Variants in NLN observed in about 807,000 individuals in gnomAD.
NLN encodes neurolysin.
Under a neutral mutation model 79.9 loss-of-function variants are expected in NLN, and 64 were observed. The observed-to-expected ratio is 0.80, with a 90% CI of 0.65 to 0.99. The LOEUF is 0.99. Among genes scored for constraint, NLN ranks in the 50% least tolerant of loss-of-function variants. The pLI is 0.00. For synonymous variants in NLN, 267 were observed against 296.6 expected, an observed-to-expected ratio of 0.90 and a Z score of 1.02; for missense variants, 835 against 858.7, an observed-to-expected ratio of 0.97 and a Z score of 0.34.
At chr5:65,768,099 A>G (rs754430806) in intron 3 of NLN, among the ~76,000 whole-genome samples, 3 of 151,812 alleles carry the variant, frequency 2.0e-5, no homozygotes, top group Admixed American at 1.3e-4. Context: ...AACTGTTCCA[A>G]CCTCTGCCCT....
chr5:65,772,287 G>T, intron 3 of NLN, among the ~76,000 whole-genome samples: 1 of 152,146 alleles, frequency 6.6e-6, no homozygotes, highest in East Asian at 1.9e-4. Context: ...AGCTCTTCAA[G>T]AATATTCCTT....
At chr5:65,742,672 TA>T (rs1320136738) in intron 1 of NLN, among the ~76,000 whole-genome samples, 1 of 152,198 alleles carries the variant, frequency 6.6e-6, no homozygotes, top group Non-Finnish European at 1.5e-5. Context: ...CTATGGTTGC[TA>T]AACAATTTCT....
chr5:65,723,814 C>CAAAAAAAAAAAAAAAAAA (rs760572199), intron 1 of NLN, among the ~76,000 whole-genome samples: 10 of 55,318 alleles, frequency 1.8e-4, no homozygotes, highest in African/African-American at 5.7e-4. Context: ...GACTCCGTCT[C>CAAAAAAAAAAAAAAAAAA]AAAAAAAAAA....
At position 65,760,133 on chromosome 5, in the gene NLN, C is replaced by T. The variant is rs140921511; in HGVS notation, c.301+1307C>T. On this transcript the variant is annotated intron_variant, in intron 2 of 12. Coordinates refer to ENST00000380985, the MANE Select transcript of NLN (RefSeq NM_020726.5). ...CATAGCCCTAGTGACCTGGTCATCT[C>T]CTTGCCCCCACTATCCCTTCATCAC... 2.4e-3 allele frequency among the ~76,000 whole-genome samples: 360 copies of T among 152,278 alleles called. 2 individuals carry two copies. The highest frequency in any genetic ancestry group is 6.8e-3 in the Middle Eastern group (2 of 294).
rs534648720 is a variant in NLN, at chr5:65,825,454, T to C, written c.*2539T>C. ...GAAGGATAAAATCTTCAACATCTTA[T>C]GCAAATGGATAGTAGGCATGATCCT... On this transcript the variant is annotated 3_prime_UTR_variant, in exon 13 of 13. Transcript: ENST00000380985. 2 of 152,298 alleles carry C rather than the reference T, an allele frequency of 1.3e-5. No individual in the cohort carries two copies. The highest frequency in any genetic ancestry group is 2.4e-5 in the African/African-American group (1 of 41,556). The allele number at this position is 152,298 out of a possible 1,614,324, so 9.4% of individuals were successfully genotyped here. A position where few individuals can be genotyped will look rare whatever the true frequency, so the allele number is the denominator to read the frequency against.
chr5:65,743,725 C>T (rs1222234195), intron 1 of NLN, among the ~76,000 whole-genome samples: 1 of 152,148 alleles, frequency 6.6e-6, no homozygotes, highest in Non-Finnish European at 1.5e-5. Context: ...GTCTTTAAGC[C>T]CCAACCTGTC....
At chr5:65,731,131 G>A (rs1173956701) in intron 1 of NLN, among the ~76,000 whole-genome samples, 1 of 152,170 alleles carries the variant, frequency 6.6e-6, no homozygotes, top group African/African-American at 2.4e-5. Context: ...GCCACAGCTG[G>A]GGCTATTTGG....
chr5:65,746,768 G>T (rs1184551713), intron 1 of NLN, among the ~76,000 whole-genome samples: 1 of 152,194 alleles, frequency 6.6e-6, no homozygotes, highest in Non-Finnish European at 1.5e-5. Context: ...ACTTTGGGAG[G>T]CCGAGGCAGG....
In NLN at chr5:65,788,278, T is replaced by C. The variant is rs1579951811; in HGVS notation, c.1119T>C (p.Tyr373=). ...YYMTQTEELK[Y]SIDQEFLKEY... Reference sequence around the variant, plus strand: ...TGACTCAGACAGAGGAACTCAAGTATTCCATAGACCAAGAGTTCCTCAAGG... The same window carrying C: ...TGACTCAGACAGAGGAACTCAAGTACTCCATAGACCAAGAGTTCCTCAAGG... Residue 373 remains tyrosine, a synonymous_variant, in exon 8 of 13, where the codon TAT becomes TAC. Transcript: ENST00000380985. The C allele has an allele frequency of 1.1e-5, 18 of 1,614,040 alleles. No individual in the cohort carries two copies. Among genetic ancestry groups the C allele is most frequent in the Non-Finnish European group, 1.5e-5 (18 of 1,179,866 alleles).
intron 2 of NLN, among the ~76,000 whole-genome samples, chr5:65,762,206 A>G (rs1238559361): frequency 6.6e-6 from 1 of 152,136 alleles, no homozygotes. Flanking sequence ...ATTTCTGGGG[A>G]TCCTTTGAAG....
At chr5:65,821,093 C>T (rs1760786781) in intron 12 of NLN, among the ~76,000 whole-genome samples, 1 of 150,126 alleles carries the variant, frequency 6.7e-6, no homozygotes, top group Non-Finnish European at 1.5e-5. Context: ...GCAGAGGCAG[C>T]GGCAGGGGCA....
intron 11 of NLN, among the ~76,000 whole-genome samples, chr5:65,811,769 C>A (rs948685224): frequency 2.7e-4 from 41 of 151,910 alleles, no homozygotes; most frequent in African/African-American, 9.9e-4. Context: ...TTGCATTGAG[C>A]CGAGATCTCA....
rs755011078 is a variant in NLN at position 65,722,395 on chromosome 5, G to A, written c.22G>A (p.Ala8Thr). MIARCLL[A>T]VRSLRRVGGS... ...TCCCATGATCGCCCGGTGCCTTTTG[G>A]CTGTGCGAAGCCTCCGCAGGTACCT... Residue 8 changes from alanine (A) to threonine (T), a missense_variant, in exon 1 of 13, where the codon GCT becomes ACT. By Grantham distance (58) the Ala-to-Thr change is moderately conservative. Transcript: ENST00000380985. 3.8e-6 allele frequency: 6 copies of A among 1,590,594 alleles called. No homozygotes were observed. In the South Asian group the frequency reaches 6.9e-5, roughly 18 times the overall value.
intron 6 of NLN, among the ~76,000 whole-genome samples, chr5:65,783,551 C>A (rs1204353330): frequency 6.6e-6 from 1 of 152,052 alleles, no homozygotes; most frequent in African/African-American, 2.4e-5. Context: ...ATTAGGTAAC[C>A]AAGTGTCCGG....
Position 65,815,411 on chromosome 5 carries a change from A to T in NLN, c.1980+3020A>T, listed in dbSNP as rs73103225. ...TTATTTAGACAAAGGTGCTGGGTTG[A>T]ACTTAGAGAAAGCATCATCCCAACA... On this transcript the variant is annotated intron_variant, in intron 12 of 12. Coordinates refer to ENST00000380985, the MANE Select transcript of NLN (RefSeq NM_020726.5). Among the ~76,000 whole-genome samples, 804 of 152,330 alleles carry T rather than the reference A, an allele frequency of 5.3e-3. 9 individuals carry two copies. The highest frequency in any genetic ancestry group is 0.018 in the African/African-American group (764 of 41,566).
chr5:65,807,884 A>T (rs1360118569), intron 9 of NLN, among the ~76,000 whole-genome samples: 1 of 152,210 alleles, frequency 6.6e-6, no homozygotes, highest in Non-Finnish European at 1.5e-5. Flanking sequence ...AGTGGTCTGG[A>T]ACTAAACCCA....
intron 1 of NLN, among the ~76,000 whole-genome samples, chr5:65,757,059 T>C (rs1759235541): frequency 6.6e-6 from 1 of 152,200 alleles, no homozygotes; most frequent in Admixed American, 6.5e-5. Flanking sequence ...GTAGTATAAT[T>C]GCATATTTAT....
At chr5:65,781,074 G>T (rs1759790457) in intron 5 of NLN, among the ~76,000 whole-genome samples, 187 bp from the exon 6 acceptor site, 1 of 152,022 alleles carries the variant, frequency 6.6e-6, no homozygotes, top group Non-Finnish European at 1.5e-5. Flanking sequence ...GTCTCCCAAG[G>T]CACCTGGCCT....
chr5:65,821,203 T>C (rs988360049), intron 12 of NLN, among the ~76,000 whole-genome samples: 5 of 152,126 alleles, frequency 3.3e-5, no homozygotes, highest in Non-Finnish European at 7.4e-5. Context: ...GTGCCTTCTC[T>C]TAAGAAAATT....
Sources: gnomAD v4.1 joint callset for allele counts (sites outside exome capture counted in the v4.1 genomes callset) on GRCh38, gnomAD v4.1.1 for gene constraint, MANE v1.5 for transcripts, NCBI Gene and HGNC (gene_info 2026-07-23, HGNC 2026-07-21) for gene names.